The following TNRC18 variants were observed in gnomAD, a reference collection of about 807,000 sequenced individuals.
The protein encoded by TNRC18 is trinucleotide repeat containing 18, also known as trinucleotide repeat-containing gene 18 protein.
Under a neutral mutation model 226.7 loss-of-function variants are expected in TNRC18, and 69 were observed. That is an observed-to-expected ratio of 0.30 (90% CI 0.25 to 0.37). TNRC18 has a LOEUF of 0.37. Among genes scored for constraint, TNRC18 ranks in the 10% least tolerant of loss-of-function variants. TNRC18 has a pLI of 1.00. For missense variants in TNRC18, 4,754 were observed against 4,256.6 expected (o/e 1.12, Z -3.25); for synonymous variants, 2,449 against 1,927.6 (o/e 1.27, Z -7.09).
intron 2 of TNRC18, among the ~76,000 whole-genome samples, chr7:5,411,215 C>CAAAAAAAAA (rs35392221): frequency 1.3e-5 from 1 of 75,994 alleles, no homozygotes; most frequent in African/African-American, 5.2e-5. Flanking sequence ...GACTCCATCT[C>CAAAAAAAAA]AAAAAAAAAA....
chr7:5,404,280 A>G (rs1281715898), intron 2 of TNRC18, among the ~76,000 whole-genome samples: 1 of 152,124 alleles, frequency 6.6e-6, no homozygotes, highest in Non-Finnish European at 1.5e-5. Flanking sequence ...CTGAGGCCGG[A>G]GAACTGCTTG....
chr7:5,389,461 G>GTTTTTTTGTTTTTTTTTTGTTGTT (rs1554297477), intron 4 of TNRC18, 125 bp from the exon 5 acceptor site: 4 of 565,556 alleles, frequency 7.1e-6, no homozygotes. Context: ...TTTGGTTTTG[G>GTTTTTTTGTTTTTTTTTTGTTGTT]TTTTTTTTTT....
intron 2 of TNRC18, among the ~76,000 whole-genome samples, chr7:5,405,494 G>A (rs144795490): frequency 5.5e-4 from 84 of 152,090 alleles, no homozygotes; most frequent in Non-Finnish European, 8.4e-4. Flanking sequence ...CCTTGAACCC[G>A]GGAGGCGGAG....
rs201910567 is a variant in TNRC18, at chr7:5,312,799, C to A, written c.8092G>T (p.Ala2698Ser). 14 of 1,534,574 alleles carry A rather than the reference C, an allele frequency of 9.1e-6. No individual in the cohort carries two copies. Among genetic ancestry groups the A allele is most frequent in the Non-Finnish European group, 1.1e-5 (13 of 1,144,898 alleles). ...TGCTTGGTGGCCTTGGTGGGGAGCG[C>A]CGCCTGCGCGGAAGGGCCAGCCGTG... ...APTAGPSAQAALPTKATKQAG... is the reference protein window; with the variant it reads ...APTAGPSAQASLPTKATKQAG... Residue 2698 changes from alanine (A) to serine (S), a missense_variant, in exon 27 of 30, where the codon GCG becomes TCG. Physicochemically the swap from Ala to Ser is moderately conservative, Grantham distance 99. Coordinates refer to ENST00000430969, the MANE Select transcript of TNRC18 (RefSeq NM_001080495.3). This position sits in a 1 kb window ranked among gnomAD's most constrained non-coding sequence, Gnocchi z 6.3.
chr7:5,378,476 T>C (rs1407376206), intron 5 of TNRC18, among the ~76,000 whole-genome samples: 2 of 151,654 alleles, frequency 1.3e-5, no homozygotes, highest in Non-Finnish European at 2.9e-5. Flanking sequence ...TGGAGTGCAG[T>C]GGCACGATCT....
intron 14 of TNRC18, among the ~76,000 whole-genome samples, chr7:5,359,862 T>C (rs752274851): frequency 6.6e-6 from 1 of 152,118 alleles, no homozygotes; most frequent in Non-Finnish European, 1.5e-5. Flanking sequence ...TGCGGTCAGA[T>C]ACCTATTTAC....
In TNRC18 at chr7:5,309,094, G is replaced by A. The variant is rs186045924; in HGVS notation, c.8625+38C>T. The A allele has an allele frequency of 0.023, 35,705 of 1,557,496 alleles. 669 individuals carry two copies. The highest frequency in any genetic ancestry group is 0.086 in the Admixed American group (4,556 of 52,834). On this transcript the variant is annotated intron_variant, in intron 28 of 29. Transcript: ENST00000430969. This position sits in a 1 kb window ranked among gnomAD's most constrained non-coding sequence, Gnocchi z 5.7. ...CTCGCCCTCAGGTCTGCCCTACACC[G>A]CCTAGGACTGGGGGCCGCAGCCGGG...
intron 18 of TNRC18, among the ~76,000 whole-genome samples, chr7:5,342,882 G>A (rs62443184): frequency 0.29 from 43,885 of 151,990 alleles, 7,713 homozygotes; most frequent in East Asian, 0.64. Context: ...CTTATTCTAA[G>A]AAATTGCCAC....
At chr7:5,315,487 G>A (rs1434641826) in intron 25 of TNRC18, among the ~76,000 whole-genome samples, 2 of 151,430 alleles carry the variant, frequency 1.3e-5, no homozygotes, top group Non-Finnish European at 2.9e-5. Context: ...GCAGTGGCAG[G>A]ATCTCAGCTC....
In TNRC18 at chr7:5,359,535, A is replaced by G. The variant is rs1415429415; in HGVS notation, c.4696T>C (p.Tyr1566His). The G allele has an allele frequency of 6.2e-7, 1 of 1,613,918 alleles. No homozygotes were observed. Among genetic ancestry groups the G allele is most frequent in the Non-Finnish European group, 8.5e-7 (1 of 1,179,886 alleles). Residue 1566 changes from tyrosine to histidine, a missense_variant, in exon 15 of 30, where the codon TAT (tyrosine) becomes CAT (histidine). Transcript: ENST00000430969. ...TTTCTTATCCCTGCTCCCAGCTCAT[A>G]ATCATCTGATGTCAGCAGAGACTTG... ...SSKSLLTSDD[Y>H]ELGAGIRKRH...
chr7:5,411,546 G>A (rs1237428769), intron 2 of TNRC18, among the ~76,000 whole-genome samples: 1 of 150,852 alleles, frequency 6.6e-6, no homozygotes, highest in East Asian at 1.9e-4. Flanking sequence ...AATTCCTAGA[G>A]GGAAAGTATT....
In TNRC18 at chr7:5,421,067, C is replaced by T. The variant is rs1472927375; in HGVS notation, c.180G>A (p.Pro60=). The part of the protein sequence containing the change: ...GKYMAGLNLH[P]HPGEAFLGSF... ...ACGGCGCGGGGCACTTACCCGGGTG[C>T]GGATGGAGATTCAGGCCGGCCATGT... Residue 60 remains proline, a synonymous_variant, in exon 2 of 30, where the codon CCG becomes CCA. Coordinates refer to ENST00000430969, the MANE Select transcript of TNRC18 (RefSeq NM_001080495.3). 6.6e-7 allele frequency: 1 copy of T among 1,512,940 alleles called. No homozygotes were observed. The highest frequency in any genetic ancestry group is 8.9e-7 in the Non-Finnish European group (1 of 1,120,212). 93.7% of individuals were successfully genotyped at this position (1,512,940 alleles called of 1,614,324 possible).
chr7:5,361,890 C>G lies in TNRC18; in HGVS notation c.4532+7G>C. ...GGCCCCACGGGGCGGGCGGGGGACA[C>G]ACTCACTCGGAGTCCCGGCGGCGCT... On this transcript the variant is annotated splice_region_variant and intron_variant, in intron 13 of 29. Coordinates refer to ENST00000430969, the MANE Select transcript of TNRC18 (RefSeq NM_001080495.3). The G allele has an allele frequency of 6.4e-7, 1 of 1,550,960 alleles. No individual in the cohort carries two copies. The highest frequency in any genetic ancestry group is 8.7e-7 in the Non-Finnish European group (1 of 1,149,444).
chr7:5,319,451 T>C (rs1247076863), intron 24 of TNRC18, among the ~76,000 whole-genome samples: 1 of 152,224 alleles, frequency 6.6e-6, no homozygotes, highest in Non-Finnish European at 1.5e-5. Context: ...TTCTTGCCTG[T>C]CTGATATCCA....
At chr7:5,316,558 C>T (rs1270336097) in intron 24 of TNRC18, among the ~76,000 whole-genome samples, 14 of 152,100 alleles carry the variant, frequency 9.2e-5, no homozygotes. Flanking sequence ...GGATTACAGG[C>T]GTGAGCCACT....
In TNRC18 at chr7:5,313,187, A is replaced by T. The variant is rs962898170; in HGVS notation, c.7704T>A (p.Ser2568Arg). Residue 2568 changes from serine to arginine, a missense_variant, in exon 27 of 30, where the codon AGT becomes AGA. Transcript: ENST00000430969. ...ESSSSSSSGS[S>R]SSSSSSSSSG... ...TGCTGCTGCTGCTGCTGCTGCTGCT[A>T]CTGCTGCCACTACTGCTGCTGCTGC... 48 of 1,535,362 alleles carry T rather than the reference A, an allele frequency of 3.1e-5. No homozygotes were observed. In the South Asian group the frequency reaches 5.7e-4, roughly 18 times the overall value.
chr7:5,404,331 A>G (rs183735132), intron 2 of TNRC18, among the ~76,000 whole-genome samples: 218 of 152,274 alleles, frequency 1.4e-3, no homozygotes, highest in African/African-American at 4.4e-3. Context: ...AGATCACGCC[A>G]CTGCACTCCA....
At chr7:5,332,375 G>A (rs1278351929) in intron 19 of TNRC18, among the ~76,000 whole-genome samples, 1 of 152,228 alleles carries the variant, frequency 6.6e-6, no homozygotes. Context: ...AAAGGCTGCA[G>A]TGAGCCATGA....
chr7:5,371,557 C>A (rs963584765), intron 10 of TNRC18, among the ~76,000 whole-genome samples, 193 bp from the exon 11 acceptor site: 1 of 152,190 alleles, frequency 6.6e-6, no homozygotes, highest in African/African-American at 2.4e-5. Flanking sequence ...AGTGAAAAAC[C>A]AGCCACCTTC....
Sources: allele counts gnomAD v4.1 joint callset (sites outside exome capture counted in the v4.1 genomes callset), GRCh38; gene constraint gnomAD v4.1.1; non-coding constraint Gnocchi (gnomAD v3.1); transcripts MANE v1.5; gene names NCBI Gene and HGNC (gene_info 2026-07-23, HGNC 2026-07-21).